SORCS1: variants seen among roughly 807,000 people sequenced by gnomAD.
The protein encoded by SORCS1 is sortilin related VPS10 domain containing receptor 1, also known as VPS10 domain-containing receptor SorCS1.
Under a neutral mutation model 146.1 loss-of-function variants are expected in SORCS1, and 60 were observed. That is an observed-to-expected ratio of 0.41 (90% CI 0.33 to 0.51). The LOEUF (loss-of-function observed/expected upper bound fraction) is 0.51. Ranked by LOEUF, SORCS1 falls within the 20% of genes least tolerant of loss-of-function variation. The pLI is 0.21. For missense variants in SORCS1, 1,352 were observed against 1,487.6 expected (o/e 0.91, Z 1.50); for synonymous variants, 637 against 584.0 (o/e 1.09, Z -1.31).
chr10:106,706,059 A>T (rs978109369), intron 8 of SORCS1, among the ~76,000 whole-genome samples: 2 of 152,196 alleles, frequency 1.3e-5, no homozygotes, highest in Non-Finnish European at 2.9e-5. Context: ...ACTGATACAT[A>T]ACACATCCAA....
At chr10:107,057,827 G>A (rs1036343297) in intron 1 of SORCS1, among the ~76,000 whole-genome samples, 52 of 152,056 alleles carry the variant, frequency 3.4e-4, no homozygotes, top group Admixed American at 2.8e-3. Context: ...TCCTTGTTTA[G>A]AGAGGAGTCT....
At chr10:107,085,569 G>A (rs1963692170) in intron 1 of SORCS1, among the ~76,000 whole-genome samples, 1 of 152,158 alleles carries the variant, frequency 6.6e-6, no homozygotes, top group East Asian at 1.9e-4. Flanking sequence ...CAATAAGGGA[G>A]ATAGATGTCA....
chr10:106,840,251 G>A (rs1174565727), intron 2 of SORCS1, among the ~76,000 whole-genome samples: 1 of 152,178 alleles, frequency 6.6e-6, no homozygotes, highest in African/African-American at 2.4e-5. Flanking sequence ...ATAATTCATG[G>A]GAGGAGATGA....
In SORCS1 at chr10:106,574,702, T is replaced by C. The variant is rs1280490345; in HGVS notation, c.*2718A>G. The C allele has an allele frequency of 6.6e-6, 1 of 152,218 alleles. No individual in the cohort carries two copies. The highest frequency in any genetic ancestry group is 2.4e-5 in the African/African-American group (1 of 41,442). The allele number at this position is 152,218 out of a possible 1,614,324, so 9.4% of individuals were successfully genotyped here. On this transcript the variant is annotated 3_prime_UTR_variant, in exon 26 of 26. Transcript: ENST00000263054. ...CTAGCCCAAGTGATAGTGATACTGC[T>C]GATCCAGGTACCACACTTTGAGAAC...
rs553032484 is a variant in SORCS1, at chr10:107,034,680, C to CAAAAAAAAAAAAAAAAAAAAAAA, written c.559-78123_559-78101dup. 6.5e-4 allele frequency among the ~76,000 whole-genome samples: 9 copies of CAAAAAAAAAAAAAAAAAAAAAAA among 13,796 alleles called. 1 individual carries two copies. Among genetic ancestry groups the CAAAAAAAAAAAAAAAAAAAAAAA allele is most frequent in the Admixed American group, 3.5e-3 (2 of 564 alleles). 9.1% of individuals were successfully genotyped at this position (13,796 alleles called of 152,430 possible). A position where few individuals can be genotyped will look rare whatever the true frequency, so the allele number is the denominator to read the frequency against. Reference sequence around the variant, plus strand: ...GGGAAACATGAGCGAAACTCCATCTCAAAAAAAAAAAAAAAAAAAAAAAAA... The same window carrying CAAAAAAAAAAAAAAAAAAAAAAA: ...GGGAAACATGAGCGAAACTCCATCTCAAAAAAAAAAAAAAAAAAAAAAAAAAAAAAAAAAAAAAAAAAAAAAAA... On this transcript the variant is annotated intron_variant, in intron 1 of 25. Transcript: ENST00000263054.
In SORCS1 at chr10:106,607,814, A is replaced by G. The variant is rs531893619; in HGVS notation, c.3034-517T>C. Reference sequence around the variant, plus strand: ...GTCAGCCCACTGGAGTTACTCTTCAAATAGACCCACCACATCCTAACCACC... The same window carrying G: ...GTCAGCCCACTGGAGTTACTCTTCAGATAGACCCACCACATCCTAACCACC... On this transcript the variant is annotated intron_variant, in intron 22 of 25. Coordinates refer to ENST00000263054, the MANE Select transcript of SORCS1 (RefSeq NM_052918.5). 1.9e-3 allele frequency among the ~76,000 whole-genome samples: 288 copies of G among 152,224 alleles called. 5 individuals carry two copies. The South Asian group carries it at 0.031, about 16-fold the overall frequency.
At chr10:107,078,629 T>C (rs968438891) in intron 1 of SORCS1, among the ~76,000 whole-genome samples, 2 of 152,198 alleles carry the variant, frequency 1.3e-5, no homozygotes, top group African/African-American at 4.8e-5. Flanking sequence ...TTTTCTCCCA[T>C]CTATGCCCAG....
chr10:106,856,668 G>A (rs1218831799), intron 2 of SORCS1, among the ~76,000 whole-genome samples: 2 of 152,196 alleles, frequency 1.3e-5, no homozygotes, highest in African/African-American at 4.8e-5. Context: ...AGCTGGTAAA[G>A]CTCCTGGAGG....
At chr10:107,005,488 A>T (rs935186229) in intron 1 of SORCS1, among the ~76,000 whole-genome samples, 10 of 152,244 alleles carry the variant, frequency 6.6e-5, no homozygotes, top group African/African-American at 2.4e-4. Flanking sequence ...AAGGCTGAAG[A>T]TAAAATTTTA....
intron 15 of SORCS1, among the ~76,000 whole-genome samples, chr10:106,672,177 G>T (rs1851656394): frequency 6.6e-6 from 1 of 152,148 alleles, no homozygotes; most frequent in Admixed American, 6.5e-5. Flanking sequence ...TAGGTTTGAG[G>T]TATATGACGT....
chr10:107,067,296 C>A (rs1961963756), intron 1 of SORCS1, among the ~76,000 whole-genome samples: 2 of 146,294 alleles, frequency 1.4e-5, no homozygotes, highest in Non-Finnish European at 3.0e-5. Flanking sequence ...TTCAACTTAA[C>A]TTTTTTTTTT....
At chr10:107,163,610 G>A (rs1314818392) in intron 1 of SORCS1, among the ~76,000 whole-genome samples, 2 of 152,200 alleles carry the variant, frequency 1.3e-5, no homozygotes, top group African/African-American at 4.8e-5. Flanking sequence ...TTGAGGGGAT[G>A]TCAGCTTGCC....
chr10:107,079,595 A>C (rs182630126), intron 1 of SORCS1, among the ~76,000 whole-genome samples: 98 of 152,358 alleles, frequency 6.4e-4, no homozygotes, highest in Admixed American at 9.2e-4. Context: ...AAAGGCTGCT[A>C]GAGGCTGGGA....
intron 2 of SORCS1, among the ~76,000 whole-genome samples, chr10:106,888,660 G>A (rs751472109): frequency 1.3e-5 from 2 of 152,262 alleles, no homozygotes; most frequent in Non-Finnish European, 2.9e-5. Flanking sequence ...GTGTCACTTC[G>A]ATAACCATCT....
intron 1 of SORCS1, among the ~76,000 whole-genome samples, chr10:107,011,840 G>T (rs766160501): frequency 6.6e-6 from 1 of 152,082 alleles, no homozygotes; most frequent in South Asian, 2.1e-4. Flanking sequence ...CAGCTAATTT[G>T]CCATACCTGG....
chr10:106,925,408 A>C (rs1171591849), intron 2 of SORCS1, among the ~76,000 whole-genome samples: 2 of 152,182 alleles, frequency 1.3e-5, no homozygotes, highest in Non-Finnish European at 2.9e-5. Context: ...CCTGCAGCAG[A>C]AACTTACTCA....
At chr10:106,718,522 G>A (rs941178110) in intron 6 of SORCS1, among the ~76,000 whole-genome samples, 15 of 150,324 alleles carry the variant, frequency 1.0e-4, no homozygotes, top group African/African-American at 3.3e-4. Flanking sequence ...GCAAACCTTC[G>A]CGCTGTTACA....
chr10:106,596,221 A>G (rs1390932715), intron 24 of SORCS1, among the ~76,000 whole-genome samples: 1 of 152,104 alleles, frequency 6.6e-6, no homozygotes, highest in South Asian at 2.1e-4. Flanking sequence ...TCCACTGCCA[A>G]TTCTTCCCAT....
At chr10:106,594,650 C>G (rs1174762016) in intron 24 of SORCS1, among the ~76,000 whole-genome samples, 1 of 152,152 alleles carries the variant, frequency 6.6e-6, no homozygotes, top group African/African-American at 2.4e-5. Context: ...CTCTCCTGTT[C>G]AACAGAGCAA....
Sources: allele counts gnomAD v4.1 joint callset (sites outside exome capture counted in the v4.1 genomes callset), GRCh38; gene constraint gnomAD v4.1.1; transcripts MANE v1.5; gene names NCBI Gene and HGNC (gene_info 2026-07-23, HGNC 2026-07-21).